Variants in GABRA4 observed in about 807,000 individuals in gnomAD.
GABRA4 encodes gamma-aminobutyric acid receptor subunit alpha-4.
In GABRA4, 12 loss-of-function variants were observed where a neutral mutation model predicts 49.7. The observed-to-expected ratio is 0.24, with a 90% CI of 0.15 to 0.39. The LOEUF (loss-of-function observed/expected upper bound fraction) is 0.39, where lower values mean the gene tolerates loss of function less well. Ranked by LOEUF, GABRA4 falls within the 10% of genes least tolerant of loss-of-function variation. The pLI, the probability that GABRA4 is intolerant of heterozygous loss-of-function variation, is 1.00. For missense variants in GABRA4, 506 were observed against 686.0 expected, an observed-to-expected ratio of 0.74 and a Z score of 2.93; for synonymous variants, 288 against 240.2, an observed-to-expected ratio of 1.20 and a Z score of -1.84.
chr4:46,992,638 A>C (rs898744858), intron 2 of GABRA4, 190 bp downstream of exon 2: 4 of 594,146 alleles, frequency 6.7e-6, no homozygotes, highest in Non-Finnish European at 1.2e-5. Context: ...CTGAGGGGGC[A>C]GGGAGATGGG....
intron 2 of GABRA4, among the ~76,000 whole-genome samples, chr4:46,984,031 T>A (rs1723449169): frequency 6.6e-6 from 1 of 152,036 alleles, no homozygotes; most frequent in Non-Finnish European, 1.5e-5. Flanking sequence ...CAATTAACGA[T>A]GAATCAGATA....
At position 46,950,727 on chromosome 4, in the gene GABRA4, A is replaced by AT. The variant is rs1722141790; in HGVS notation, c.1134+14242dup. Among the ~76,000 whole-genome samples the AT allele has an allele frequency of 3.4e-5, 5 of 148,878 alleles. No individual in the cohort carries two copies. The South Asian group carries it at 1.1e-3, about 33-fold the overall frequency. Reference sequence around the variant, plus strand: ...TGATATTCTCTAAGAAAATAAATAAATAAATAAATAAATAAATAAATTACT... The same window carrying AT: ...TGATATTCTCTAAGAAAATAAATAAATTAAATAAATAAATAAATAAATTACT... On this transcript the variant is annotated intron_variant, in intron 8 of 8. Coordinates refer to ENST00000264318, the MANE Select transcript of GABRA4 (RefSeq NM_000809.4).
chr4:46,923,484 G>A lies in GABRA4; in HGVS notation c.*4741C>T, dbSNP rs1253469291. ...AAATACAAAATATTTCTGATTTCTG[G>A]GTGGTAGAATTTTGAGATTGTTTTT... is the stretch of plus-strand genomic sequence containing the variant. On this transcript the variant is annotated 3_prime_UTR_variant, in exon 9 of 9. Transcript: ENST00000264318. 1.3e-5 allele frequency: 2 copies of A among 151,714 alleles called. No individual in the cohort carries two copies. The highest frequency in any genetic ancestry group is 3.9e-4 in the East Asian group (2 of 5,164). 9.4% of individuals were successfully genotyped at this position (151,714 alleles called of 1,614,324 possible).
At chr4:46,963,599 G>C (rs1391681751) in intron 8 of GABRA4, among the ~76,000 whole-genome samples, 2 of 151,690 alleles carry the variant, frequency 1.3e-5, no homozygotes, top group Non-Finnish European at 2.9e-5. Context: ...ACCTCTTTTT[G>C]TTCCCAGTTT....
chr4:46,959,381 A>G (rs1722478041), intron 8 of GABRA4, among the ~76,000 whole-genome samples: 1 of 151,966 alleles, frequency 6.6e-6, no homozygotes, highest in Non-Finnish European at 1.5e-5. Context: ...AGAGGATATG[A>G]AGCATATAAT....
Position 46,979,068 on chromosome 4 carries a change from T to C in GABRA4, c.236A>G (p.Tyr79Cys). The stretch of plus-strand genomic sequence containing the variant: ...AGAAACAGGTCCAAAGCTGGTGACA[T>C]ATATGTCAGTTTTCACTTCTGTAAC... ...GPVTEVKTDI[Y>C]VTSFGPVSDV... The change falls in exon 3 of 9, where the codon TAT (tyrosine) becomes TGT (cysteine). Residue 79 changes from tyrosine (Y) to cysteine (C), a missense_variant. This residue lies in a region of GABRA4 where 195 missense variants were observed against 326.0 expected (regional missense o/e 0.60). Transcript: ENST00000264318. The C allele has an allele frequency of 6.2e-7, 1 of 1,611,228 alleles. No individual in the cohort carries two copies. The highest frequency in any genetic ancestry group is 8.5e-7 in the Non-Finnish European group (1 of 1,177,928).
chr4:46,949,683 A>G (rs1722098584), intron 8 of GABRA4, among the ~76,000 whole-genome samples: 1 of 152,152 alleles, frequency 6.6e-6, no homozygotes, highest in African/African-American at 2.4e-5. Context: ...GTAGTAATGA[A>G]TTTGATAAAA....
At position 46,993,515 on chromosome 4, in the gene GABRA4, C is replaced by G; in HGVS notation, c.-91G>C. On this transcript the variant is annotated 5_prime_UTR_variant, in exon 1 of 9. Transcript: ENST00000264318. ...TGCGAGGAGAGGGCAGAGAGGCTCCCGCGGCGTGCGCACACTCGCGCTCAC... is the reference window on the plus strand; with the variant it reads ...TGCGAGGAGAGGGCAGAGAGGCTCCGGCGGCGTGCGCACACTCGCGCTCAC... 7.4e-7 allele frequency: 1 copy of G among 1,352,460 alleles called. No homozygotes were observed. The highest frequency in any genetic ancestry group is 1.2e-5 in the South Asian group (1 of 82,480). The allele number at this position is 1,352,460 out of a possible 1,614,324, so 83.8% of individuals were successfully genotyped here. A position where few individuals can be genotyped will look rare whatever the true frequency, so the allele number is the denominator to read the frequency against.
chr4:46,977,132 C>T lies in GABRA4; in HGVS notation c.506G>A (p.Ser169Asn). 6.2e-7 allele frequency: 1 copy of T among 1,603,240 alleles called. No homozygotes were observed. The highest frequency in any genetic ancestry group is 8.5e-7 in the Non-Finnish European group (1 of 1,172,272). ...CACCAATCTCATGGGACACTCCGCA[C>T]TTATGGTGAGTCTATGATGAAAAAT... Reference protein sequence around the residue: ...TILYTMRLTISAECPMRLVDF... With the variant: ...TILYTMRLTINAECPMRLVDF... The change falls in exon 5 of 9, where the codon AGT (serine) becomes AAT (asparagine). Residue 169 changes from serine (S) to asparagine (N), a missense_variant. Physicochemically the swap from Ser to Asn is conservative, Grantham distance 46. This residue lies in a region of GABRA4 where 195 missense variants were observed against 326.0 expected (regional missense o/e 0.60). Coordinates refer to ENST00000264318, the MANE Select transcript of GABRA4 (RefSeq NM_000809.4).
intron 8 of GABRA4, among the ~76,000 whole-genome samples, chr4:46,944,204 A>G (rs1031030843): frequency 3.9e-5 from 6 of 152,176 alleles, no homozygotes; most frequent in African/African-American, 1.4e-4. Flanking sequence ...TAATCAGTTC[A>G]CCATGTACAT....
intron 2 of GABRA4, among the ~76,000 whole-genome samples, chr4:46,985,482 T>C (rs1303992182): frequency 6.6e-6 from 1 of 152,080 alleles, no homozygotes; most frequent in East Asian, 1.9e-4. Flanking sequence ...ATGTGTCATA[T>C]ACCAGGAATT....
At chr4:46,952,280 G>C (rs956280150) in intron 8 of GABRA4, among the ~76,000 whole-genome samples, 2 of 152,050 alleles carry the variant, frequency 1.3e-5, no homozygotes, top group Non-Finnish European at 2.9e-5. Context: ...GGCAGCAAAA[G>C]ACAGTTTGGG....
chr4:46,931,937 T>C (rs12508647), intron 8 of GABRA4, among the ~76,000 whole-genome samples: 15,808 of 152,220 alleles, frequency 0.1, 976 homozygotes, highest in South Asian at 0.23. Flanking sequence ...GAATCCACAG[T>C]TGATCCACAG....
intron 8 of GABRA4, among the ~76,000 whole-genome samples, chr4:46,939,505 C>T (rs1455603492): frequency 6.6e-6 from 1 of 151,926 alleles, no homozygotes; most frequent in African/African-American, 2.4e-5. Context: ...CCTCTCTCTC[C>T]CAGCATGATA....
intron 8 of GABRA4, among the ~76,000 whole-genome samples, chr4:46,929,432 A>G (rs903867765): frequency 2.6e-5 from 4 of 152,108 alleles, no homozygotes; most frequent in African/African-American, 4.8e-5. Context: ...AGACTTATAA[A>G]CAGCATCAAC....
rs1393481251 is a variant in GABRA4, at chr4:46,920,003, A to G, written c.*8222T>C. 1 of 151,686 alleles carries G rather than the reference A, an allele frequency of 6.6e-6. No individual in the cohort carries two copies. Among genetic ancestry groups the G allele is most frequent in the Non-Finnish European group, 1.5e-5 (1 of 67,666 alleles). The allele number at this position is 151,686 out of a possible 1,614,324, so 9.4% of individuals were successfully genotyped here. A position where few individuals can be genotyped will look rare whatever the true frequency, so the allele number is the denominator to read the frequency against. ...AAATGAAAGCTCTGATTTACTGTAT[A>G]CTTGAACTAGGAGACAATATACATA... On this transcript the variant is annotated 3_prime_UTR_variant, in exon 9 of 9. Coordinates refer to ENST00000264318, the MANE Select transcript of GABRA4 (RefSeq NM_000809.4).
Position 46,969,884 on chromosome 4 carries a change from G to A in GABRA4, c.874+1199C>T, listed in dbSNP as rs141987325. 1.0e-3 allele frequency among the ~76,000 whole-genome samples: 152 copies of A among 151,176 alleles called. 5 individuals are homozygous for A. The East Asian group carries it at 0.026, about 26-fold the overall frequency. Reference sequence around the variant, plus strand: ...TGAGTTGTGCAGTTATTCTTTAATTGAACCCTTATAACTCTTTAAGGTACC... The same window carrying A: ...TGAGTTGTGCAGTTATTCTTTAATTAAACCCTTATAACTCTTTAAGGTACC... On this transcript the variant is annotated intron_variant, in intron 7 of 8. Coordinates refer to ENST00000264318, the MANE Select transcript of GABRA4 (RefSeq NM_000809.4).
chr4:46,928,178 C>A lies in GABRA4; in HGVS notation c.*47G>T. On this transcript the variant is annotated 3_prime_UTR_variant, in exon 9 of 9. Transcript: ENST00000264318. ...TTATATTTAAAAACATTTAAAAAGA[C>A]ATTCTGCATTTTCATCATCTTTTAG... The A allele has an allele frequency of 7.2e-7, 1 of 1,397,444 alleles. No individual in the cohort carries two copies. The highest frequency in any genetic ancestry group is 9.7e-7 in the Non-Finnish European group (1 of 1,030,464). The allele number at this position is 1,397,444 out of a possible 1,614,324, so 86.6% of individuals were successfully genotyped here.
At chr4:46,974,582 C>T (rs1051305094) in intron 5 of GABRA4, among the ~76,000 whole-genome samples, 6 of 151,864 alleles carry the variant, frequency 4.0e-5, no homozygotes, top group Non-Finnish European at 8.8e-5. Flanking sequence ...AATACCCCTG[C>T]AACTCAACAG....
Sources: gnomAD v4.1 joint callset for allele counts (sites outside exome capture counted in the v4.1 genomes callset) on GRCh38, gnomAD v4.1.1 for gene constraint, gnomAD v4.1.1 regional missense constraint, MANE v1.5 for transcripts, NCBI Gene and HGNC (gene_info 2026-07-23, HGNC 2026-07-21) for gene names.